The following DYNC2H1 variants were observed in gnomAD, a reference collection of about 807,000 sequenced individuals.
DYNC2H1 encodes the protein dynein cytoplasmic 2 heavy chain 1.
In DYNC2H1, 410 loss-of-function variants were observed where a neutral mutation model predicts 570.0. That is an observed-to-expected ratio of 0.72 (90% CI 0.66 to 0.78). The LOEUF (loss-of-function observed/expected upper bound fraction) is 0.78, where lower values mean the gene tolerates loss of function less well. Among genes scored for constraint, DYNC2H1 ranks in the 30% least tolerant of loss-of-function variants. The pLI is 0.00. For missense variants in DYNC2H1, 4,865 were observed against 5,046.4 expected, an observed-to-expected ratio of 0.96 and a Z score of 1.09; for synonymous variants, 1,688 against 1,677.6, an observed-to-expected ratio of 1.01 and a Z score of -0.15.
intron 75 of DYNC2H1, among the ~76,000 whole-genome samples, chr11:103,296,963 G>A (rs1286124392): frequency 6.6e-6 from 1 of 151,492 alleles, no homozygotes; most frequent in Non-Finnish European, 1.5e-5. Flanking sequence ...CTGGCTTCTT[G>A]TCTGCATGTC....
chr11:103,118,295 T>C (rs1591265270), intron 6 of DYNC2H1, among the ~76,000 whole-genome samples: 1 of 152,006 alleles, frequency 6.6e-6, no homozygotes, highest in East Asian at 1.9e-4. Context: ...TACTTAAAGA[T>C]TGCAAAACTG....
In DYNC2H1 at chr11:103,184,643, A is replaced by G. The variant is rs560358156; in HGVS notation, c.6478-253A>G. 3.9e-5 allele frequency among the ~76,000 whole-genome samples: 6 copies of G among 152,090 alleles called. No individual in the cohort carries two copies. In the East Asian group the frequency reaches 1.2e-3, roughly 29 times the overall value. Reference sequence around the variant, plus strand: ...TCTTTTATATTCTTCAGGTTTAGGAAGTAAATAAACTGTATCTATTTGAGG... The same window carrying G: ...TCTTTTATATTCTTCAGGTTTAGGAGGTAAATAAACTGTATCTATTTGAGG... On this transcript the variant is annotated intron_variant, in intron 40 of 88. Transcript: ENST00000375735.
chr11:103,247,693 C>A (rs1396489493), intron 65 of DYNC2H1, among the ~76,000 whole-genome samples: 3 of 152,044 alleles, frequency 2.0e-5, no homozygotes, highest in Non-Finnish European at 4.4e-5. Flanking sequence ...CTAGTTCCAA[C>A]CCATGAGTCT....
intron 83 of DYNC2H1, among the ~76,000 whole-genome samples, chr11:103,393,497 A>C (rs1184325730): frequency 6.6e-6 from 1 of 152,182 alleles, no homozygotes; most frequent in Non-Finnish European, 1.5e-5. Context: ...ATTTGCTTTA[A>C]AATTATTTAC....
Position 103,154,807 on chromosome 11 carries a change from A to G in DYNC2H1, c.3571A>G (p.Lys1191Glu), listed in dbSNP as rs1428342919. ...VKLQSEVDKY[K>E]IVIPILKYVR... Reference sequence around the variant, plus strand: ...ATTACAATCAGAGGTTGACAAATATAAAGTAAGATTGTTTTATTATTTTGC... The same window carrying G: ...ATTACAATCAGAGGTTGACAAATATGAAGTAAGATTGTTTTATTATTTTGC... The change falls in exon 24 of 89, where the codon AAA becomes GAA. Residue 1191 changes from lysine (K) to glutamate (E), a missense_variant and splice_region_variant. Transcript: ENST00000375735. 2.0e-6 allele frequency: 3 copies of G among 1,538,186 alleles called. No individual in the cohort carries two copies. Among genetic ancestry groups the G allele is most frequent in the Non-Finnish European group, 2.6e-6 (3 of 1,142,356 alleles).
chr11:103,220,859 A>T, intron 57 of DYNC2H1, 76 bp downstream of exon 57: 1 of 1,408,186 alleles, frequency 7.1e-7, no homozygotes, highest in East Asian at 2.5e-5. Flanking sequence ...AATATTTCTT[A>T]TATTGTTTTT....
At chr11:103,348,268 G>C (rs1939856026) in intron 82 of DYNC2H1, among the ~76,000 whole-genome samples, 1 of 152,000 alleles carries the variant, frequency 6.6e-6, no homozygotes, top group South Asian at 2.1e-4. Flanking sequence ...CATTGTTTTA[G>C]TAATTATCTT....
chr11:103,138,393 A>C (rs1259810017), intron 17 of DYNC2H1, among the ~76,000 whole-genome samples: 1 of 152,096 alleles, frequency 6.6e-6, no homozygotes, highest in East Asian at 1.9e-4. Context: ...TTATTTTGAG[A>C]TACATCTCAT....
intron 18 of DYNC2H1, among the ~76,000 whole-genome samples, chr11:103,147,467 A>C (rs1333838084): frequency 6.6e-6 from 1 of 152,156 alleles, no homozygotes. Context: ...AGAGAAGCTC[A>C]TTAATATTTA....
Position 103,243,115 on chromosome 11 carries a change from C to T in DYNC2H1, c.9820-578C>T, listed in dbSNP as rs918736967. On this transcript the variant is annotated intron_variant, in intron 63 of 88. Coordinates refer to ENST00000375735, the MANE Select transcript of DYNC2H1 (RefSeq NM_001377.3). This position sits in a 1 kb window ranked among gnomAD's most constrained non-coding sequence, Gnocchi z 4.8. ...ATGTAATTTTCTCTTCCAGGATACT[C>T]CTTTAGTAATATTGGATATATACTG... Among the ~76,000 whole-genome samples the T allele has an allele frequency of 4.6e-5, 7 of 152,014 alleles. No individual in the cohort carries two copies. Among genetic ancestry groups the T allele is most frequent in the African/African-American group, 1.7e-4 (7 of 41,388 alleles).
At chr11:103,361,053 A>G (rs1040655213) in intron 83 of DYNC2H1, among the ~76,000 whole-genome samples, 6 of 152,222 alleles carry the variant, frequency 3.9e-5, no homozygotes, top group Non-Finnish European at 8.8e-5. Flanking sequence ...CGCATTCAAT[A>G]AAACTGAAAG....
intron 69 of DYNC2H1, among the ~76,000 whole-genome samples, chr11:103,258,769 C>T (rs1250428968): frequency 6.6e-6 from 1 of 152,166 alleles, no homozygotes; most frequent in East Asian, 1.9e-4. Flanking sequence ...CTGTATTGTA[C>T]TGGCTGAAGC....
chr11:103,290,676 G>GC (rs967382647), intron 75 of DYNC2H1, among the ~76,000 whole-genome samples: 21 of 151,884 alleles, frequency 1.4e-4, no homozygotes, highest in Admixed American at 1.2e-3. Context: ...GTGTTTCTCT[G>GC]CCCCCCTACT....
intron 1 of DYNC2H1, among the ~76,000 whole-genome samples, chr11:103,110,304 G>C (rs930528528): frequency 6.6e-6 from 1 of 152,018 alleles, no homozygotes; most frequent in Non-Finnish European, 1.5e-5. Flanking sequence ...GAGCCACCGC[G>C]CCCGGCCTAT....
intron 18 of DYNC2H1, among the ~76,000 whole-genome samples, chr11:103,144,963 C>T (rs763173582): frequency 6.6e-6 from 1 of 152,046 alleles, no homozygotes; most frequent in Non-Finnish European, 1.5e-5. Flanking sequence ...TCACTGCAAC[C>T]TCCACCTCTT....
chr11:103,137,665 C>G (rs1371468774), intron 17 of DYNC2H1, among the ~76,000 whole-genome samples: 2 of 151,930 alleles, frequency 1.3e-5, no homozygotes, highest in Non-Finnish European at 2.9e-5. Flanking sequence ...TAGCGTGATG[C>G]CTCCAGCTTT....
chr11:103,123,854 C>G (rs1339173920), intron 11 of DYNC2H1, among the ~76,000 whole-genome samples: 1 of 151,488 alleles, frequency 6.6e-6, no homozygotes, highest in African/African-American at 2.4e-5. Flanking sequence ...CATTTTTTGT[C>G]CCATAGAATC....
intron 83 of DYNC2H1, among the ~76,000 whole-genome samples, chr11:103,397,878 G>A (rs1942463195): frequency 6.6e-6 from 1 of 152,114 alleles, no homozygotes; most frequent in South Asian, 2.1e-4. Flanking sequence ...GTAAGACCCT[G>A]TCAAGAAAAA....
intron 2 of DYNC2H1, 71 bp downstream of exon 2, chr11:103,113,778 C>G (rs1275783756): frequency 8.7e-7 from 1 of 1,153,708 alleles, no homozygotes; most frequent in African/African-American, 1.6e-5. Flanking sequence ...ACATAAATAT[C>G]TATTTTTTAC....
Sources: allele counts gnomAD v4.1 joint callset (sites outside exome capture counted in the v4.1 genomes callset), GRCh38; gene constraint gnomAD v4.1.1; non-coding constraint Gnocchi (gnomAD v3.1); transcripts MANE v1.5; gene names NCBI Gene and HGNC (gene_info 2026-07-23, HGNC 2026-07-21).